ARID1B: variants seen among roughly 807,000 people sequenced by gnomAD.
The protein encoded by ARID1B is AT-rich interactive domain-containing protein 1B.
ARID1B carries 30 observed loss-of-function variants against 212.3 expected under a neutral mutation model. That is an observed-to-expected ratio of 0.14 (90% CI 0.11 to 0.19). The LOEUF is 0.19. ARID1B is among the 10% of genes least tolerant of loss of function. The probability of loss-of-function intolerance (pLI) is 1.00; values close to 1 mark genes in which losing one functional copy is unlikely to be tolerated. For missense variants in ARID1B, 2,891 were observed against 3,204.0 expected, an observed-to-expected ratio of 0.90 and a Z score of 2.36; for synonymous variants, 1,402 against 1,301.7, an observed-to-expected ratio of 1.08 and a Z score of -1.66.
intron 4 of ARID1B, among the ~76,000 whole-genome samples, chr6:157,066,769 A>G (rs1783700923): frequency 6.6e-6 from 1 of 152,212 alleles, no homozygotes; most frequent in African/African-American, 2.4e-5. Flanking sequence ...TAGGAGAGGA[A>G]GGAGATGCAC....
intron 6 of ARID1B, among the ~76,000 whole-genome samples, chr6:157,113,190 G>A (rs1163170732): frequency 6.6e-6 from 1 of 151,948 alleles, no homozygotes; most frequent in Non-Finnish European, 1.5e-5. Flanking sequence ...CAAAGTGCTG[G>A]GATTACAGGC....
rs111274914 is a variant in ARID1B, at chr6:157,188,111, T to C, written c.3920-1531T>C. On this transcript the variant is annotated intron_variant, in intron 13 of 19. Coordinates refer to ENST00000636930, the MANE Select transcript of ARID1B (RefSeq NM_001374828.1). ...TTTCTTTTAAAATACCTACAATAAGTGTCAATCTTCTCTGTATAACAAACC... is the reference window on the plus strand; with the variant it reads ...TTTCTTTTAAAATACCTACAATAAGCGTCAATCTTCTCTGTATAACAAACC... Among the ~76,000 whole-genome samples, 1,090 of 152,198 alleles carry C rather than the reference T, an allele frequency of 7.2e-3. 13 individuals carry two copies. Among genetic ancestry groups the C allele is most frequent in the African/African-American group, 0.025 (1,037 of 41,502 alleles).
chr6:156,858,357 A>G lies in ARID1B; in HGVS notation c.1986+28936A>G, dbSNP rs546585739. Among the ~76,000 whole-genome samples, 3 of 152,354 alleles carry G rather than the reference A, an allele frequency of 2.0e-5. No individual in the cohort carries two copies. The South Asian group carries it at 6.2e-4, about 32-fold the overall frequency. On this transcript the variant is annotated intron_variant, in intron 2 of 19. Coordinates refer to ENST00000636930, the MANE Select transcript of ARID1B (RefSeq NM_001374828.1). Reference sequence around the variant, plus strand: ...TAGTTAACAATAATGTAATTTCAAAATCACTGAAAGATTGGAACTGGAATG... The same window carrying G: ...TAGTTAACAATAATGTAATTTCAAAGTCACTGAAAGATTGGAACTGGAATG...
chr6:157,157,238 G>C (rs1169228143), intron 8 of ARID1B, among the ~76,000 whole-genome samples: 1 of 152,158 alleles, frequency 6.6e-6, no homozygotes, highest in Non-Finnish European at 1.5e-5. Flanking sequence ...TCATGGCTCT[G>C]TTAACATCCC....
chr6:156,870,052 T>TCTGCC (rs1786000765), intron 2 of ARID1B: 2 of 152,348 alleles, frequency 1.3e-5, no homozygotes. Context: ...GAGGCTGTTC[T>TCTGCC]CTGCCTTTGC....
chr6:157,195,979 T>C, intron 15 of ARID1B, 186 bp from the exon 16 acceptor site: 1 of 594,070 alleles, frequency 1.7e-6, no homozygotes, highest in Non-Finnish European at 2.7e-6. Flanking sequence ...GAGAATCGCC[T>C]GAACCCGGGA....
intron 5 of ARID1B, among the ~76,000 whole-genome samples, chr6:157,090,872 C>T (rs1785235133): frequency 6.6e-6 from 1 of 152,122 alleles, no homozygotes; most frequent in Non-Finnish European, 1.5e-5. Context: ...ACTGATACCT[C>T]CCCTCCCCTT....
intron 6 of ARID1B, among the ~76,000 whole-genome samples, chr6:157,128,319 G>T (rs1383188922): frequency 6.6e-6 from 1 of 152,064 alleles, no homozygotes; most frequent in African/African-American, 2.4e-5. Context: ...CCTCCTAACT[G>T]GTCTTCTCAC....
At chr6:156,910,520 A>G (rs1384664769) in intron 3 of ARID1B, among the ~76,000 whole-genome samples, 1 of 152,082 alleles carries the variant, frequency 6.6e-6, no homozygotes. Flanking sequence ...GAAAGTTAGA[A>G]TCTATAGCAA....
At position 156,794,364 on chromosome 6, in the gene ARID1B, C is replaced by T. The variant is rs372398067; in HGVS notation, c.1791+14893C>T. ...TCCTGGGCCCAAGCAATCCTCCCAC[C>T]GCAGCCTCCTGAGTAGCTGGGACCA... On this transcript the variant is annotated intron_variant, in intron 1 of 19. Transcript: ENST00000636930. Among the ~76,000 whole-genome samples, 23 of 152,070 alleles carry T rather than the reference C, an allele frequency of 1.5e-4. No homozygotes were observed. In the East Asian group the frequency reaches 2.5e-3, roughly 17 times the overall value.
At chr6:156,902,998 G>A (rs929809547) in intron 3 of ARID1B, among the ~76,000 whole-genome samples, 1 of 151,960 alleles carries the variant, frequency 6.6e-6, no homozygotes, top group Non-Finnish European at 1.5e-5. Flanking sequence ...AAAATTTAAG[G>A]AGTCAATAGA....
chr6:157,066,065 C>T (rs958549744), intron 4 of ARID1B, among the ~76,000 whole-genome samples: 5 of 152,108 alleles, frequency 3.3e-5, no homozygotes, highest in African/African-American at 7.2e-5. Flanking sequence ...TTCCAGTCCC[C>T]GATGGTCACT....
chr6:156,781,498 T>C (rs1779264205), intron 1 of ARID1B, among the ~76,000 whole-genome samples: 1 of 152,160 alleles, frequency 6.6e-6, no homozygotes, highest in South Asian at 2.1e-4. Flanking sequence ...ATGTAACTCA[T>C]TTATTTTAGG....
chr6:156,806,366 C>T (rs921569196), intron 1 of ARID1B, among the ~76,000 whole-genome samples: 1 of 152,218 alleles, frequency 6.6e-6, no homozygotes, highest in African/African-American at 2.4e-5. Context: ...CTCTGGCTTT[C>T]AGAACCTCCT....
At chr6:156,893,087 G>A (rs561944617) in intron 2 of ARID1B, among the ~76,000 whole-genome samples, 1 of 121,374 alleles carries the variant, frequency 8.2e-6, no homozygotes, top group East Asian at 2.1e-4. Flanking sequence ...CTGTCACCCA[G>A]GCTGGAGTGC....
In ARID1B at chr6:157,034,914, C is replaced by T. The variant is rs115490580; in HGVS notation, c.2248-49748C>T. 5.8e-3 allele frequency among the ~76,000 whole-genome samples: 880 copies of T among 152,238 alleles called. 6 individuals are homozygous for T. The highest frequency in any genetic ancestry group is 0.02 in the African/African-American group (828 of 41,532). On this transcript the variant is annotated intron_variant, in intron 4 of 19. Coordinates refer to ENST00000636930, the MANE Select transcript of ARID1B (RefSeq NM_001374828.1). ...TTTGTAGAGTTGCTGTAATTAAATT[C>T]GTTTAAAGGTATATTAAGAGTTTCA...
intron 2 of ARID1B, among the ~76,000 whole-genome samples, chr6:156,830,202 A>G (rs1783049569): frequency 1.3e-5 from 2 of 152,182 alleles, no homozygotes; most frequent in Non-Finnish European, 2.9e-5. Context: ...TTGTTAGGGT[A>G]TTTAGTTACT....
At chr6:157,055,996 C>T (rs1010283387) in intron 4 of ARID1B, among the ~76,000 whole-genome samples, 7 of 152,166 alleles carry the variant, frequency 4.6e-5, no homozygotes, top group African/African-American at 1.4e-4. Context: ...AAGGGATCAC[C>T]TCTTTAGGTC....
intron 2 of ARID1B, among the ~76,000 whole-genome samples, chr6:156,850,680 T>C (rs1045237007): frequency 2.0e-5 from 3 of 152,244 alleles, no homozygotes; most frequent in Non-Finnish European, 2.9e-5. Context: ...ACTAATATTC[T>C]TTCAGAATTT....
Sources: gnomAD v4.1 joint callset for allele counts (sites outside exome capture counted in the v4.1 genomes callset) on GRCh38, gnomAD v4.1.1 for gene constraint, MANE v1.5 for transcripts, NCBI Gene and HGNC (gene_info 2026-07-23, HGNC 2026-07-21) for gene names.